The following DOK6 variants were observed in gnomAD, a reference collection of about 807,000 sequenced individuals.
DOK6 encodes the protein downstream of tyrosine kinase 6.
A neutral mutation model predicts 44.0 loss-of-function variants in DOK6; 22 were observed. The observed-to-expected ratio is 0.50, with a 90% CI of 0.36 to 0.71. The LOEUF is 0.71. DOK6 is among the 30% of genes least tolerant of loss of function. DOK6 has a pLI of 0.00. For missense variants in DOK6, 340 were observed against 416.4 expected (o/e 0.82, Z 1.60); for synonymous variants, 166 against 145.5 (o/e 1.14, Z -1.01).
At chr18:69,524,241 A>C (rs943834613) in intron 1 of DOK6, among the ~76,000 whole-genome samples, 4 of 152,064 alleles carry the variant, frequency 2.6e-5, no homozygotes, top group Admixed American at 1.3e-4. Context: ...ATGGTGAATT[A>C]ATCATTGAAA....
intron 1 of DOK6, among the ~76,000 whole-genome samples, chr18:69,530,405 AT>A (rs1326728114): frequency 6.6e-6 from 1 of 152,184 alleles, no homozygotes; most frequent in Admixed American, 6.6e-5. Flanking sequence ...ATCTATCTGA[AT>A]CAAGTAGTTT....
intron 1 of DOK6, among the ~76,000 whole-genome samples, chr18:69,415,977 A>C (rs1225062112): frequency 1.3e-5 from 2 of 152,042 alleles, no homozygotes; most frequent in Admixed American, 6.6e-5. Context: ...TATTTAACTC[A>C]TAATTATGGG....
intron 1 of DOK6, among the ~76,000 whole-genome samples, chr18:69,531,509 T>C (rs558631824): frequency 3.6e-4 from 54 of 151,878 alleles, no homozygotes; most frequent in African/African-American, 1.2e-3. Flanking sequence ...ACTGTTTTTT[T>C]TTTCTGGTTT....
chr18:69,597,359 G>C (rs1245494001), intron 2 of DOK6, among the ~76,000 whole-genome samples: 1 of 152,136 alleles, frequency 6.6e-6, no homozygotes, highest in Non-Finnish European at 1.5e-5. Context: ...ATGAATTAAT[G>C]AATGACCTCT....
intron 4 of DOK6, among the ~76,000 whole-genome samples, chr18:69,695,904 A>G (rs10513973): frequency 0.035 from 5,315 of 152,236 alleles, 178 homozygotes; most frequent in African/African-American, 0.084. Flanking sequence ...GCTGGGTAAA[A>G]AAGTATGTGA....
intron 1 of DOK6, among the ~76,000 whole-genome samples, chr18:69,545,747 A>G (rs1982387389): frequency 6.6e-6 from 1 of 151,228 alleles, no homozygotes; most frequent in Non-Finnish European, 1.5e-5. Flanking sequence ...CTCTTTAAGC[A>G]TTTTTTTCTA....
rs573027982 is a variant in DOK6, at chr18:69,556,337, A to G, written c.67-8150A>G. Among the ~76,000 whole-genome samples, 17 of 152,194 alleles carry G rather than the reference A, an allele frequency of 1.1e-4. No individual in the cohort carries two copies. The South Asian group carries it at 2.5e-3, about 22-fold the overall frequency. ...TCTGGCTGAAATGCTCTTTCCTCAG[A>G]TGTCTGCATCACTCATTCTTTCATG... On this transcript the variant is annotated intron_variant, in intron 1 of 7. Transcript: ENST00000382713.
intron 1 of DOK6, among the ~76,000 whole-genome samples, chr18:69,407,584 C>A (rs996111751): frequency 2.0e-5 from 3 of 152,138 alleles, no homozygotes; most frequent in Non-Finnish European, 4.4e-5. Flanking sequence ...TTTTAAGATA[C>A]AGAGCAGTAT....
intron 1 of DOK6, among the ~76,000 whole-genome samples, chr18:69,408,004 A>G (rs984252020): frequency 6.6e-6 from 1 of 152,184 alleles, no homozygotes; most frequent in African/African-American, 2.4e-5. Flanking sequence ...TAGGATTTCA[A>G]ACATATATTC....
intron 5 of DOK6, among the ~76,000 whole-genome samples, chr18:69,700,398 G>A (rs916037804): frequency 2.6e-5 from 4 of 151,642 alleles, no homozygotes; most frequent in African/African-American, 9.7e-5. Context: ...CTGTTACAAC[G>A]TTTCAATAGA....
At chr18:69,508,649 CAG>C (rs1467546289) in intron 1 of DOK6, among the ~76,000 whole-genome samples, 4 of 152,236 alleles carry the variant, frequency 2.6e-5, no homozygotes, top group Admixed American at 6.5e-5. Context: ...GATGTAAAGA[CAG>C]GGTTATTAAA....
At chr18:69,522,630 C>T (rs1004644364) in intron 1 of DOK6, among the ~76,000 whole-genome samples, 9 of 151,990 alleles carry the variant, frequency 5.9e-5, no homozygotes, top group Non-Finnish European at 8.8e-5. Context: ...CTAAATTATT[C>T]TTTCTCAGAG....
intron 3 of DOK6, among the ~76,000 whole-genome samples, chr18:69,632,256 G>GT (rs927495125): frequency 6.6e-6 from 1 of 152,164 alleles, no homozygotes; most frequent in Non-Finnish European, 1.5e-5. Context: ...GAAATTGAGT[G>GT]TAACATATAG....
At chr18:69,725,177 G>A (rs1978299761) in intron 5 of DOK6, among the ~76,000 whole-genome samples, 1 of 152,180 alleles carries the variant, frequency 6.6e-6, no homozygotes, top group Admixed American at 6.5e-5. Context: ...GGTAGACAGA[G>A]GATAAACTAC....
intron 1 of DOK6, among the ~76,000 whole-genome samples, chr18:69,417,578 C>T (rs1229899281): frequency 6.6e-6 from 1 of 151,690 alleles, no homozygotes; most frequent in Non-Finnish European, 1.5e-5. Context: ...GTATATATAC[C>T]CAGAGATGGG....
At chr18:69,669,966 C>G (rs1376839153) in intron 3 of DOK6, among the ~76,000 whole-genome samples, 2 of 152,290 alleles carry the variant, frequency 1.3e-5, no homozygotes, top group South Asian at 2.1e-4. Flanking sequence ...TTGCCACACA[C>G]AGTAGCAGAA....
At chr18:69,746,507 T>A (rs1285153639) in intron 6 of DOK6, among the ~76,000 whole-genome samples, 5 of 152,132 alleles carry the variant, frequency 3.3e-5, no homozygotes, top group African/African-American at 1.2e-4. Context: ...CTGCCCAGTT[T>A]GGCCTCCCAA....
rs1437034724 is a variant in DOK6 at position 69,847,747 on chromosome 18, T to C, written c.*6364T>C. 1 of 129,414 alleles carries C rather than the reference T, an allele frequency of 7.7e-6. No individual in the cohort carries two copies. Among genetic ancestry groups the C allele is most frequent in the Non-Finnish European group, 1.6e-5 (1 of 62,436 alleles). The allele number at this position is 129,414 out of a possible 1,614,324, so 8.0% of individuals were successfully genotyped here. The stretch of plus-strand genomic sequence containing the variant: ...CATGTATAGTGCATAGTTCAAGAAA[T>C]AATGCTTACTCTTGTAAAAAAAAAA... On this transcript the variant is annotated 3_prime_UTR_variant, in exon 8 of 8. Coordinates refer to ENST00000382713, the MANE Select transcript of DOK6 (RefSeq NM_152721.6).
At chr18:69,579,742 TTTTG>T (rs541648192) in intron 2 of DOK6, among the ~76,000 whole-genome samples, 1 of 151,984 alleles carries the variant, frequency 6.6e-6, no homozygotes, top group Non-Finnish European at 1.5e-5. Flanking sequence ...TTTTGTATAT[TTTTG>T]TTTGTTTGTT....
Sources: allele counts gnomAD v4.1 joint callset (sites outside exome capture counted in the v4.1 genomes callset), GRCh38; gene constraint gnomAD v4.1.1; transcripts MANE v1.5; gene names NCBI Gene and HGNC (gene_info 2026-07-23, HGNC 2026-07-21).